Variants in ACP4 observed in about 807,000 individuals in gnomAD.
ACP4 encodes testicular acid phosphatase.
In ACP4, 49 loss-of-function variants were observed where a neutral mutation model predicts 47.3. The ratio of observed to expected loss-of-function variants is 1.04; its 90% CI spans 0.82 to 1.32. ACP4 has a LOEUF of 1.32. ACP4 is among the 40% of genes most tolerant of loss of function. The pLI is 0.00. For missense variants in ACP4, 594 were observed against 579.3 expected (o/e 1.03, Z -0.26); for synonymous variants, 299 against 265.3 (o/e 1.13, Z -1.23).
rs537290653 is a variant in ACP4 at position 50,794,966 on chromosome 19, T to A, written c.1165+2T>A. ...CCTATGAGGCTGCCATCCCCCCAGG[T>A]GACAGTCCTCTGTGTTGGGGTGGGA... On this transcript the variant is annotated splice_donor_variant, in intron 10 of 10. Coordinates refer to ENST00000270593, the MANE Select transcript of ACP4 (RefSeq NM_033068.3). LOFTEE classifies it high-confidence loss of function. 1.9e-5 allele frequency: 31 copies of A among 1,613,092 alleles called. No individual in the cohort carries two copies. Among genetic ancestry groups the A allele is most frequent in the Non-Finnish European group, 2.6e-5 (31 of 1,179,756 alleles).
intron 9 of ACP4, 64 bp from the exon 10 acceptor site, chr19:50,794,722 T>C: frequency 6.4e-7 from 1 of 1,570,904 alleles, no homozygotes; most frequent in Non-Finnish European, 8.6e-7. Context: ...TCAGAAGCCC[T>C]TTTCTCCAGG....
At position 50,795,055 on chromosome 19, in the gene ACP4, C is replaced by T. The variant is rs2089547048; in HGVS notation, c.1178C>T (p.Pro393Leu). Reference protein sequence around the residue: ...EAAIPPAPVVPLLAGAVAVLV... With the variant: ...EAAIPPAPVVLLLAGAVAVLV... ...GTTCTCCCTGCAGCTCCAGTGGTGC[C>T]CCTGCTGGCCGGAGCTGTAGCTGTG... The change falls in exon 11 of 11, where the codon CCC becomes CTC. Residue 393 changes from proline (P) to leucine (L), a missense_variant. By Grantham distance (98) the Pro-to-Leu change is moderately conservative. Transcript: ENST00000270593. The T allele has an allele frequency of 6.2e-7, 1 of 1,607,542 alleles. No individual in the cohort carries two copies.
At chr19:50,794,426 G>A in intron 8 of ACP4, 31 bp from the exon 9 acceptor site, 2 of 1,611,882 alleles carry the variant, frequency 1.2e-6, no homozygotes, top group African/African-American at 1.3e-5. Context: ...CCAGAGAGAA[G>A]TGCCGTCTCA....
At chr19:50,794,328 TGGGA>T (rs2089536344) in intron 8 of ACP4, 125 bp from the exon 9 acceptor site, 1 of 1,333,254 alleles carries the variant, frequency 7.5e-7, no homozygotes, top group South Asian at 1.4e-5. Flanking sequence ...GCCTTCAGGA[TGGGA>T]GGAAGGAGTA....
intron 6 of ACP4, 200 bp downstream of exon 6, chr19:50,792,537 T>C: frequency 1.7e-6 from 1 of 603,304 alleles, no homozygotes; most frequent in Non-Finnish European, 2.9e-6. Flanking sequence ...ATCCACGCAC[T>C]GTGCTTACAA....
chr19:50,791,854 G>A (rs1258634192), intron 4 of ACP4, 52 bp downstream of exon 4: 2 of 1,534,626 alleles, frequency 1.3e-6, no homozygotes, highest in East Asian at 2.4e-5. Context: ...TGGAGAGAGA[G>A]GCAGCTCTGG....
chr19:50,790,850 G>A lies in ACP4; in HGVS notation c.293G>A (p.Arg98Gln), dbSNP rs375408855. 8.8e-5 allele frequency: 136 copies of A among 1,547,494 alleles called. No individual in the cohort carries two copies. Among genetic ancestry groups the A allele is most frequent in the African/African-American group, 1.2e-4 (9 of 73,072 alleles). ...RYEAFLSPEY[R>Q]REEVYIRSTD... ...GAGGCCTTCCTGAGTCCGGAGTACC[G>A]GCGGGAGGAGGTAGGGCCATAGTGA... Residue 98 changes from arginine to glutamine, a missense_variant, in exon 3 of 11, where the codon CGG becomes CAG. Transcript: ENST00000270593.
rs533940096 is a variant in ACP4, at chr19:50,795,106, G to A, written c.1229G>A (p.Gly410Asp). ...CTGGTGGCACTCAGCTTGGGGCTGG[G>A]CCTGCTGGCCTGGAGACCAGGGTGC... is the stretch of plus-strand genomic sequence containing the variant. ...AVLVALSLGL[G>D]LLAWRPGCLR... The change falls in exon 11 of 11, where the codon GGC (glycine) becomes GAC (aspartate). Residue 410 changes from glycine to aspartate, a missense_variant. Physicochemically the swap from Gly to Asp is moderately conservative, Grantham distance 94. Transcript: ENST00000270593. The A allele has an allele frequency of 8.9e-6, 14 of 1,574,158 alleles. No homozygotes were observed. Among genetic ancestry groups the A allele is most frequent in the Non-Finnish European group, 1.1e-5 (13 of 1,161,710 alleles).
chr19:50,793,510 G>A (rs1302486431), intron 6 of ACP4, 174 bp from the exon 7 acceptor site: 10 of 987,386 alleles, frequency 1.0e-5, no homozygotes, highest in African/African-American at 6.6e-5. Flanking sequence ...GCAAGGCTCC[G>A]TTTCAAAACA....
At position 50,794,912 on chromosome 19, in the gene ACP4, T is replaced by C. The variant is rs2089544464; in HGVS notation, c.1113T>C (p.Pro371=). The part of the protein sequence containing the change: ...RFYQLTAPAR[P]PAHGVSCHGP... ...ACCAGCTGACTGCCCCGGCCCGGCC[T>C]CCCGCCCATGGGGTCTCCTGCCATG... Residue 371 remains proline, a synonymous_variant, in exon 10 of 11, where the codon CCT becomes CCC. Coordinates refer to ENST00000270593, the MANE Select transcript of ACP4 (RefSeq NM_033068.3). The C allele has an allele frequency of 6.2e-7, 1 of 1,613,462 alleles. No individual in the cohort carries two copies. Among genetic ancestry groups the C allele is most frequent in the Non-Finnish European group, 8.5e-7 (1 of 1,179,888 alleles).
At position 50,793,618 on chromosome 19, in the gene ACP4, C is replaced by A; in HGVS notation, c.646-66C>A. ...GGACTCAGAAGAGCAGGGGGCAGCA[C>A]AGGCCTGCGGGGCCAGAGGCAAACT... On this transcript the variant is annotated intron_variant, in intron 6 of 10. Transcript: ENST00000270593. 6 of 1,588,312 alleles carry A rather than the reference C, an allele frequency of 3.8e-6. No homozygotes were observed. The South Asian group carries it at 5.6e-5, about 15-fold the overall frequency.
chr19:50,791,279 G>T (rs889389649), intron 3 of ACP4, among the ~76,000 whole-genome samples: 2 of 152,024 alleles, frequency 1.3e-5, no homozygotes, highest in African/African-American at 2.4e-5. Context: ...TATGTCTTCT[G>T]ACATCCCCCA....
intron 3 of ACP4, among the ~76,000 whole-genome samples, chr19:50,791,287 CCAGCTA>C (rs1364712327): frequency 6.6e-6 from 1 of 152,170 alleles, no homozygotes; most frequent in Non-Finnish European, 1.5e-5. Flanking sequence ...CTGACATCCC[CCAGCTA>C]CAGACAGTCC....
At position 50,791,691 on chromosome 19, in the gene ACP4, G is replaced by A; in HGVS notation, c.339G>A (p.Leu113=). The A allele has an allele frequency of 6.2e-7, 1 of 1,613,416 alleles. No individual in the cohort carries two copies. The highest frequency in any genetic ancestry group is 8.5e-7 in the Non-Finnish European group (1 of 1,179,918). Residue 113 remains leucine, a synonymous_variant, in exon 4 of 11, where the codon CTG becomes CTA. Coordinates refer to ENST00000270593, the MANE Select transcript of ACP4 (RefSeq NM_033068.3). ...YIRSTDFDRT[L]ESAQANLAGL... ...GCAGCACGGACTTTGACCGCACGCT[G>A]GAGAGTGCCCAGGCCAACCTTGCCG...
chr19:50,794,788 A>G lies in ACP4; in HGVS notation c.989A>G (p.Asn330Ser). Residue 330 changes from asparagine (N) to serine (S), a missense_variant and splice_region_variant, in exon 10 of 11, where the codon AAT becomes AGT. Physicochemically the swap from Asn to Ser is conservative, Grantham distance 46. Transcript: ENST00000270593. The part of the protein sequence containing the change: ...HLGNPAKDGG[N>S]VTVSLFYRND... Reference sequence around the variant, plus strand: ...GCCACCATGTCCTCTCTCTCCAGGAATGTCACCGTCTCCCTCTTCTACCGC... The same window carrying G: ...GCCACCATGTCCTCTCTCTCCAGGAGTGTCACCGTCTCCCTCTTCTACCGC... 6.3e-7 allele frequency: 1 copy of G among 1,599,308 alleles called. No individual in the cohort carries two copies. Among genetic ancestry groups the G allele is most frequent in the Non-Finnish European group, 8.5e-7 (1 of 1,171,086 alleles).
At position 50,795,118 on chromosome 19, in the gene ACP4, G is replaced by T. The variant is rs1568466306; in HGVS notation, c.1241G>T (p.Trp414Leu). The T allele has an allele frequency of 6.4e-7, 1 of 1,567,898 alleles. No individual in the cohort carries two copies. The highest frequency in any genetic ancestry group is 1.2e-5 in the South Asian group (1 of 86,556). Residue 414 changes from tryptophan to leucine, a missense_variant, in exon 11 of 11, where the codon TGG becomes TTG. Coordinates refer to ENST00000270593, the MANE Select transcript of ACP4 (RefSeq NM_033068.3). ...AGCTTGGGGCTGGGCCTGCTGGCCT[G>T]GAGACCAGGGTGCCTGCGGGCCTTG... The part of the protein sequence containing the change: ...ALSLGLGLLA[W>L]RPGCLRALGG...
At chr19:50,791,903 C>T in intron 4 of ACP4, 101 bp downstream of exon 4, 1 of 1,483,176 alleles carries the variant, frequency 6.7e-7, no homozygotes, top group Non-Finnish European at 9.0e-7. Context: ...GCAAGACTGT[C>T]CTCGAGCTGG....
chr19:50,794,043 A>G, intron 8 of ACP4, 73 bp downstream of exon 8: 3 of 1,562,610 alleles, frequency 1.9e-6, no homozygotes, highest in East Asian at 4.5e-5. Flanking sequence ...TAGGTGAGGA[A>G]GAGCCTGTGG....
At chr19:50,794,352 G>C in intron 8 of ACP4, 105 bp from the exon 9 acceptor site, 1 of 1,482,396 alleles carries the variant, frequency 6.7e-7, no homozygotes, top group Non-Finnish European at 9.1e-7. Context: ...AGCTTTGGGG[G>C]GTTGGTTCTA....
Sources: allele counts gnomAD v4.1 joint callset (sites outside exome capture counted in the v4.1 genomes callset), GRCh38; gene constraint gnomAD v4.1.1; transcripts MANE v1.5; gene names NCBI Gene and HGNC (gene_info 2026-07-23, HGNC 2026-07-21).